The following KLHDC1 variants were observed in gnomAD, a reference collection of about 807,000 sequenced individuals.
KLHDC1 encodes the protein kelch domain-containing protein 1.
KLHDC1 carries 53 observed loss-of-function variants against 68.3 expected under a neutral mutation model. The ratio of observed to expected loss-of-function variants is 0.78; its 90% CI spans 0.62 to 0.98. KLHDC1 has a LOEUF of 0.98. Ranked by LOEUF, KLHDC1 falls within the 50% of genes least tolerant of loss-of-function variation. The probability of loss-of-function intolerance (pLI) is 0.00; values close to 1 mark genes in which losing one functional copy is unlikely to be tolerated. For missense variants in KLHDC1, 470 were observed against 492.3 expected (o/e 0.95, Z 0.43); for synonymous variants, 148 against 159.0 (o/e 0.93, Z 0.52).
At chr14:49,705,868 T>A (rs1393555251) in intron 1 of KLHDC1, among the ~76,000 whole-genome samples, 1 of 152,170 alleles carries the variant, frequency 6.6e-6, no homozygotes, top group Non-Finnish European at 1.5e-5. Flanking sequence ...TTTTTGTGGG[T>A]ACATAGTAGG....
intron 12 of KLHDC1, among the ~76,000 whole-genome samples, chr14:49,745,155 C>T (rs1020600699): frequency 5.9e-5 from 9 of 152,288 alleles, no homozygotes; most frequent in Admixed American, 2.0e-4. Context: ...AGTTATATTT[C>T]AAGGAGTATA....
chr14:49,709,012 ATATAT>A (rs1198063986), intron 1 of KLHDC1, 142 bp from the exon 2 acceptor site: 1 of 450,246 alleles, frequency 2.2e-6, no homozygotes, highest in Non-Finnish European at 3.9e-6. Flanking sequence ...TTTTCTTTTG[ATATAT>A]TTTATTTTAT....
At chr14:49,693,326 C>T (rs1428027519) in intron 1 of KLHDC1, 36 bp downstream of exon 1, 8 of 1,377,800 alleles carry the variant, frequency 5.8e-6, no homozygotes, top group Non-Finnish European at 6.7e-6. Flanking sequence ...AGACTCGCGC[C>T]GGGAGACCCT....
intron 12 of KLHDC1, among the ~76,000 whole-genome samples, chr14:49,748,862 G>A (rs919351581): frequency 4.6e-5 from 7 of 151,098 alleles, no homozygotes; most frequent in Admixed American, 6.6e-5. Context: ...GTGCAGTGGC[G>A]CAATCTTGGC....
chr14:49,693,440 C>G (rs1448400662), intron 1 of KLHDC1, 150 bp downstream of exon 1: 2 of 410,058 alleles, frequency 4.9e-6, no homozygotes, highest in African/African-American at 2.1e-5. Context: ...CTGGCCGCCG[C>G]CCCCACAGCC....
chr14:49,711,877 T>C (rs185324691), intron 4 of KLHDC1, among the ~76,000 whole-genome samples: 12 of 151,336 alleles, frequency 7.9e-5, no homozygotes, highest in Admixed American at 7.9e-4. Flanking sequence ...CTATACGTTA[T>C]AATCGATTTA....
intron 9 of KLHDC1, among the ~76,000 whole-genome samples, chr14:49,734,098 C>T (rs1888877995): frequency 6.6e-6 from 1 of 152,258 alleles, no homozygotes; most frequent in African/African-American, 2.4e-5. Flanking sequence ...TGTTTTTGGT[C>T]ATTGACCTAT....
chr14:49,700,433 A>C (rs1303285263), intron 1 of KLHDC1, among the ~76,000 whole-genome samples: 1 of 152,056 alleles, frequency 6.6e-6, no homozygotes, highest in African/African-American at 2.4e-5. Flanking sequence ...GAAAGAAAAT[A>C]ATTAGTTGGG....
chr14:49,696,938 CTTT>C (rs763606965), intron 1 of KLHDC1, among the ~76,000 whole-genome samples: 2 of 139,546 alleles, frequency 1.4e-5, no homozygotes, highest in African/African-American at 2.6e-5. Context: ...GGCCTACTTT[CTTT>C]TTTTTTTTTT....
At chr14:49,729,446 A>G (rs1566612755) in intron 7 of KLHDC1, 44 bp from the exon 8 acceptor site, 1 of 1,335,370 alleles carries the variant, frequency 7.5e-7, no homozygotes, top group South Asian at 1.2e-5. Flanking sequence ...TTTAGCTGAT[A>G]AAAGATGTGA....
chr14:49,705,933 T>A (rs1375661222), intron 1 of KLHDC1, among the ~76,000 whole-genome samples: 1 of 152,230 alleles, frequency 6.6e-6, no homozygotes, highest in Non-Finnish European at 1.5e-5. Flanking sequence ...CAATGCATAA[T>A]AGTCACATCA....
chr14:49,695,194 G>A (rs1426173825), intron 1 of KLHDC1, among the ~76,000 whole-genome samples: 3 of 150,952 alleles, frequency 2.0e-5, no homozygotes, highest in South Asian at 2.1e-4. Context: ...AGGTTCAAGC[G>A]ATTCTCCTGC....
chr14:49,711,910 C>CTTTTTTTTTTTTTTTTTTTTTT (rs992092493), intron 4 of KLHDC1, among the ~76,000 whole-genome samples: 3 of 76,616 alleles, frequency 3.9e-5, no homozygotes, highest in Admixed American at 1.4e-4. Context: ...TTTTCTTTTT[C>CTTTTTTTTTTTTTTTTTTTTTT]TTTTTTTTTT....
At chr14:49,706,229 G>C (rs528803144) in intron 1 of KLHDC1, among the ~76,000 whole-genome samples, 55 of 152,064 alleles carry the variant, frequency 3.6e-4, no homozygotes, top group Non-Finnish European at 7.4e-4. Context: ...GTAAGAACAT[G>C]TGATGTTTGT....
At chr14:49,722,223 A>G (rs1420030208) in intron 4 of KLHDC1, among the ~76,000 whole-genome samples, 9 of 152,274 alleles carry the variant, frequency 5.9e-5, no homozygotes, top group Non-Finnish European at 8.8e-5. Context: ...GGTATGCTGC[A>G]CCCATTAACA....
intron 9 of KLHDC1, 67 bp from the exon 10 acceptor site, chr14:49,734,522 T>TG: frequency 3.4e-6 from 3 of 870,360 alleles, no homozygotes; most frequent in Non-Finnish European, 1.8e-6. Context: ...CATGATAAAT[T>TG]GGGGGGAAAA....
At position 49,710,345 on chromosome 14, in the gene KLHDC1, C is replaced by A; in HGVS notation, c.368C>A (p.Pro123Gln). Residue 123 changes from proline (P) to glutamine (Q), a missense_variant, in exon 4 of 13, where the codon CCA becomes CAA. Physicochemically the swap from Pro to Gln is moderately conservative, Grantham distance 76 (BLOSUM62 -1). Coordinates refer to ENST00000359332, the MANE Select transcript of KLHDC1 (RefSeq NM_172193.3). Reference sequence around the variant, plus strand: ...GACTTTGAAGGGCAACCACCTACACCACGTGATAAACTTTCCTGCTGGGTA... The same window carrying A: ...GACTTTGAAGGGCAACCACCTACACAACGTGATAAACTTTCCTGCTGGGTA... ...ITDFEGQPPT[P>Q]RDKLSCWVYK... The A allele has an allele frequency of 6.2e-7, 1 of 1,609,594 alleles. No individual in the cohort carries two copies. The highest frequency in any genetic ancestry group is 1.1e-5 in the South Asian group (1 of 90,926).
At chr14:49,697,495 C>T (rs544354966) in intron 1 of KLHDC1, among the ~76,000 whole-genome samples, 1 of 152,274 alleles carries the variant, frequency 6.6e-6, no homozygotes, top group East Asian at 1.9e-4. Context: ...CAAAATGTGA[C>T]ACAGACACGA....
chr14:49,744,396 T>C (rs1328788897), intron 12 of KLHDC1, among the ~76,000 whole-genome samples: 1 of 152,178 alleles, frequency 6.6e-6, no homozygotes, highest in Non-Finnish European at 1.5e-5. Context: ...ATATTAAACA[T>C]ACTATATTTC....
Sources: gnomAD v4.1 joint callset for allele counts (sites outside exome capture counted in the v4.1 genomes callset) on GRCh38, gnomAD v4.1.1 for gene constraint, MANE v1.5 for transcripts, NCBI Gene and HGNC (gene_info 2026-07-23, HGNC 2026-07-21) for gene names.